The following RIN3 variants were observed in gnomAD, a reference collection of about 807,000 sequenced individuals.
The protein encoded by RIN3 is Ras and Rab interactor 3.
RIN3 carries 54 observed loss-of-function variants against 76.3 expected under a neutral mutation model. That is an observed-to-expected ratio of 0.71 (90% CI 0.57 to 0.89). The LOEUF (loss-of-function observed/expected upper bound fraction) is 0.89. RIN3 is among the 40% of genes least tolerant of loss of function. The pLI is 0.00. For missense variants in RIN3, 1,256 were observed against 1,322.1 expected, an observed-to-expected ratio of 0.95 and a Z score of 0.78; for synonymous variants, 576 against 564.0, an observed-to-expected ratio of 1.02 and a Z score of -0.30.
At chr14:92,528,698 G>A (rs1189839316) in intron 1 of RIN3, among the ~76,000 whole-genome samples, 1 of 152,230 alleles carries the variant, frequency 6.6e-6, no homozygotes, top group African/African-American at 2.4e-5. Flanking sequence ...GCAGTGTGGA[G>A]ATACAGGGCT....
chr14:92,594,957 G>T (rs1354708525), intron 3 of RIN3, among the ~76,000 whole-genome samples: 1 of 152,110 alleles, frequency 6.6e-6, no homozygotes, highest in African/African-American at 2.4e-5. Flanking sequence ...CAGGTGCTTG[G>T]GATTATATTG....
chr14:92,628,970 A>G (rs1361773991), intron 4 of RIN3, among the ~76,000 whole-genome samples: 1 of 152,122 alleles, frequency 6.6e-6, no homozygotes, highest in Non-Finnish European at 1.5e-5. Context: ...AAAAAATGAA[A>G]AAGACCCTGG....
chr14:92,555,286 T>TTC (rs1311514199), intron 1 of RIN3, among the ~76,000 whole-genome samples: 1 of 152,220 alleles, frequency 6.6e-6, no homozygotes, highest in African/African-American at 2.4e-5. Context: ...TGAACTGTGC[T>TTC]TCTGTTACAT....
intron 9 of RIN3, 39 bp from the exon 10 acceptor site, chr14:92,687,885 CAG>C (rs1282498994): frequency 6.8e-7 from 1 of 1,478,926 alleles, no homozygotes; most frequent in South Asian, 1.3e-5. Flanking sequence ...CCTGAGGAGA[CAG>C]GGCCCCGCCG....
chr14:92,597,655 TGTTA>T (rs1217680639), intron 3 of RIN3, among the ~76,000 whole-genome samples: 1 of 152,214 alleles, frequency 6.6e-6, no homozygotes, highest in Non-Finnish European at 1.5e-5. Context: ...ACTGGATTTC[TGTTA>T]GTTCTGTTCT....
intron 5 of RIN3, among the ~76,000 whole-genome samples, chr14:92,645,753 A>AGATT (rs1184884098): frequency 1.3e-5 from 2 of 152,202 alleles, no homozygotes; most frequent in Non-Finnish European, 2.9e-5. Flanking sequence ...CAGGAGTTCA[A>AGATT]GATTGGCCTG....
At chr14:92,628,241 G>A (rs752313823) in intron 4 of RIN3, among the ~76,000 whole-genome samples, 41 of 152,162 alleles carry the variant, frequency 2.7e-4, no homozygotes, top group Admixed American at 1.5e-3. Flanking sequence ...TCTTAACAAC[G>A]GCAGCACAAG....
In RIN3 at chr14:92,623,222, A is replaced by G. The variant is rs916227798; in HGVS notation, c.440+7743A>G. On this transcript the variant is annotated intron_variant, in intron 4 of 9. Transcript: ENST00000216487. The surrounding 1 kb of genome is among the most constrained non-coding windows in gnomAD (Gnocchi z 4.9). ...GGTAAGACCTTGTAAAGCTTTTGTA[A>G]TTGTTCCATCAGGAGCTGTATTGTT... is the stretch of plus-strand genomic sequence containing the variant. 6.6e-6 allele frequency among the ~76,000 whole-genome samples: 1 copy of G among 152,172 alleles called. No homozygotes were observed. The highest frequency in any genetic ancestry group is 2.4e-5 in the African/African-American group (1 of 41,428).
chr14:92,680,321 T>C (rs1160401565), intron 8 of RIN3, among the ~76,000 whole-genome samples: 1 of 151,778 alleles, frequency 6.6e-6, no homozygotes, highest in African/African-American at 2.4e-5. Context: ...TGCCTCAGGC[T>C]CCCAAGTAGC....
At chr14:92,532,984 A>G (rs1566830025) in intron 1 of RIN3, among the ~76,000 whole-genome samples, 1 of 152,144 alleles carries the variant, frequency 6.6e-6, no homozygotes, top group Non-Finnish European at 1.5e-5. Flanking sequence ...TCCCAGGAGG[A>G]GGGGCCGGCA....
intron 3 of RIN3, among the ~76,000 whole-genome samples, chr14:92,605,944 ACT>A (rs1566864509): frequency 1.3e-5 from 2 of 152,178 alleles, no homozygotes; most frequent in Non-Finnish European, 2.9e-5. Flanking sequence ...TTATGTGCCT[ACT>A]ATTTTCCAGA....
chr14:92,549,312 G>T (rs574044953), intron 1 of RIN3, among the ~76,000 whole-genome samples: 2 of 152,282 alleles, frequency 1.3e-5, no homozygotes, highest in East Asian at 3.9e-4. Flanking sequence ...AGTCTATACA[G>T]GAAGGCCTCG....
chr14:92,669,773 A>G (rs1197092676), intron 7 of RIN3, among the ~76,000 whole-genome samples: 1 of 152,220 alleles, frequency 6.6e-6, no homozygotes, highest in Non-Finnish European at 1.5e-5. Context: ...AACACAACCC[A>G]TATCCATACT....
At chr14:92,523,401 C>T (rs184526376) in intron 1 of RIN3, among the ~76,000 whole-genome samples, 8 of 152,282 alleles carry the variant, frequency 5.3e-5, no homozygotes, top group Non-Finnish European at 1.0e-4. Context: ...CGTGAGCCAC[C>T]GTGCCTAGCC....
In RIN3 at chr14:92,673,265, C is replaced by T. The variant is rs532924188; in HGVS notation, c.2336-3210C>T. 2.6e-5 allele frequency among the ~76,000 whole-genome samples: 4 copies of T among 152,280 alleles called. No individual in the cohort carries two copies. The East Asian group carries it at 7.7e-4, about 29-fold the overall frequency. On this transcript the variant is annotated intron_variant, in intron 7 of 9. Transcript: ENST00000216487. The stretch of plus-strand genomic sequence containing the variant: ...CATGGTGTGCATGCACCACATTTTG[C>T]CTGTGTATCCACAAGTGATGGACAA...
At chr14:92,530,170 A>C (rs1896848043) in intron 1 of RIN3, among the ~76,000 whole-genome samples, 1 of 152,200 alleles carries the variant, frequency 6.6e-6, no homozygotes, top group Non-Finnish European at 1.5e-5. Flanking sequence ...TTCTACCATC[A>C]GCAGCTCATG....
At chr14:92,638,839 A>T (rs141071147) in intron 4 of RIN3, among the ~76,000 whole-genome samples, 273 of 152,258 alleles carry the variant, frequency 1.8e-3, no homozygotes, top group African/African-American at 6.4e-3. Context: ...GGAGAAGCCC[A>T]AGGCCACTCC....
In RIN3 at chr14:92,688,360, C is replaced by T; in HGVS notation, c.*108C>T. 1 of 1,101,176 alleles carries T rather than the reference C, an allele frequency of 9.1e-7. No homozygotes were observed. Among genetic ancestry groups the T allele is most frequent in the Non-Finnish European group, 1.3e-6 (1 of 796,174 alleles). The allele number at this position is 1,101,176 out of a possible 1,614,324, so 68.2% of individuals were successfully genotyped here. On this transcript the variant is annotated 3_prime_UTR_variant, in exon 10 of 10. Transcript: ENST00000216487. ...CGCAGCAGAGGGACATGGGCCATTCCATGACGTGCCCAGGCCAACGTCGCA... is the reference window on the plus strand; with the variant it reads ...CGCAGCAGAGGGACATGGGCCATTCTATGACGTGCCCAGGCCAACGTCGCA...
chr14:92,684,618 A>AT (rs1415664461), intron 8 of RIN3, among the ~76,000 whole-genome samples: 1 of 152,104 alleles, frequency 6.6e-6, no homozygotes, highest in Non-Finnish European at 1.5e-5. Context: ...CACAGTGAGA[A>AT]GTCTCCTGCC....
Sources: gnomAD v4.1 joint callset for allele counts (sites outside exome capture counted in the v4.1 genomes callset) on GRCh38, gnomAD v4.1.1 for gene constraint, Gnocchi (gnomAD v3.1) non-coding constraint, MANE v1.5 for transcripts, NCBI Gene and HGNC (gene_info 2026-07-23, HGNC 2026-07-21) for gene names.